Variants in DMD observed in about 807,000 individuals in gnomAD.
DMD encodes mutant dystrophin.
In DMD, 63 loss-of-function variants were observed where a neutral mutation model predicts 330.1. The ratio of observed to expected loss-of-function variants is 0.19; its 90% CI spans 0.16 to 0.24. The LOEUF (loss-of-function observed/expected upper bound fraction) is 0.24. DMD is among the 10% of genes least tolerant of loss of function. The pLI is 1.00. For synonymous variants in DMD, 1,223 were observed against 959.8 expected, an observed-to-expected ratio of 1.27 and a Z score of -5.07; for missense variants, 3,344 against 2,684.1, an observed-to-expected ratio of 1.25 and a Z score of -5.43.
intron 5 of DMD, 136 bp from the exon 6 acceptor site, chrX:32,816,776 C>G (rs1223211567): frequency 1.7e-6 from 1 of 580,491 alleles, no homozygotes; most frequent in East Asian, 3.6e-5. Flanking sequence ...ATAATAGATT[C>G]TACCAGAAGT....
chrX:32,988,773 A>G (rs1212923900), intron 2 of DMD, among the ~76,000 whole-genome samples: 1 of 111,905 alleles, frequency 8.9e-6, no homozygotes, highest in East Asian at 2.8e-4. Context: ...TTCATATCTC[A>G]ACCAATAGTT....
chrX:31,498,583 G>A (rs1198329548), intron 56 of DMD, among the ~76,000 whole-genome samples: 1 of 112,057 alleles, frequency 8.9e-6, no homozygotes, highest in African/African-American at 3.2e-5. Flanking sequence ...ATTTGTGTAT[G>A]TGTATGTATT....
chrX:32,868,771 G>T (rs111575976), intron 2 of DMD, among the ~76,000 whole-genome samples: 1 of 111,984 alleles, frequency 8.9e-6, no homozygotes, highest in Non-Finnish European at 1.9e-5. Context: ...GAGCCCCTAG[G>T]GGGAGGGGTG....
chrX:32,678,765 T>C (rs1308377892), intron 9 of DMD, among the ~76,000 whole-genome samples: 1 of 111,836 alleles, frequency 8.9e-6, no homozygotes, highest in Non-Finnish European at 1.9e-5. Flanking sequence ...GAAGAGAAAA[T>C]TTGACTGGTC....
intron 19 of DMD, among the ~76,000 whole-genome samples, chrX:32,496,760 A>C (rs1252394150): frequency 8.9e-6 from 1 of 112,901 alleles, no homozygotes; most frequent in Non-Finnish European, 1.9e-5. Context: ...ACGAAGAAAA[A>C]TGTGCCTGTC....
intron 55 of DMD, among the ~76,000 whole-genome samples, chrX:31,593,129 G>C (rs1252715311): frequency 9.0e-6 from 1 of 111,348 alleles, no homozygotes; most frequent in South Asian, 3.7e-4. Context: ...TACTCCAGAT[G>C]ATCTTCAGAG....
rs1439281623 is a variant in DMD at position 32,653,745 on chromosome X, G to A, written c.961-8593C>T. ...TGGCATTGAATCTATAAATTACCTTGGGCAGTATGGCCATTTTCACAATAT... is the reference window on the plus strand; with the variant it reads ...TGGCATTGAATCTATAAATTACCTTAGGCAGTATGGCCATTTTCACAATAT... On this transcript the variant is annotated intron_variant, in intron 9 of 78. Transcript: ENST00000357033. Among the ~76,000 whole-genome samples the A allele has an allele frequency of 2.7e-5, 3 of 111,511 alleles. No individual in the cohort carries two copies. In the East Asian group the frequency reaches 8.5e-4, roughly 31 times the overall value.
At chrX:32,737,352 T>C (rs1297636902) in intron 7 of DMD, among the ~76,000 whole-genome samples, 2 of 111,575 alleles carry the variant, frequency 1.8e-5, no homozygotes, top group South Asian at 3.7e-4. Context: ...GCTTTTTCTA[T>C]GAAAATGACT....
chrX:32,544,665 G>C (rs228368), intron 17 of DMD, among the ~76,000 whole-genome samples: 33,322 of 109,639 alleles, frequency 0.3, 4,197 homozygotes, highest in East Asian at 0.53. Context: ...AACAGGAAAT[G>C]TGTTCTGTAA....
At chrX:32,573,982 C>G in intron 13 of DMD, 136 bp from the exon 14 acceptor site, 5 of 523,869 alleles carry the variant, frequency 9.5e-6, no homozygotes, top group Non-Finnish European at 1.7e-5. Context: ...TCTTTCTGAT[C>G]TGCTTACATT....
At chrX:31,211,920 C>T (rs895240209) in intron 64 of DMD, among the ~76,000 whole-genome samples, 14 of 111,420 alleles carry the variant, frequency 1.3e-4, no homozygotes, top group Non-Finnish European at 2.4e-4. Context: ...TTTAGGTATA[C>T]ACAATCCATG....
chrX:32,490,402 C>G (rs1041449489), intron 20 of DMD, among the ~76,000 whole-genome samples: 4 of 111,273 alleles, frequency 3.6e-5, no homozygotes, highest in African/African-American at 1.3e-4. Flanking sequence ...ATCTCTTTCT[C>G]AGGCCCTTTT....
intron 44 of DMD, 121 bp downstream of exon 44, chrX:32,216,795 T>C (rs760443625): frequency 2.1e-5 from 13 of 617,021 alleles, no homozygotes; most frequent in Non-Finnish European, 3.3e-5. Flanking sequence ...AGTAATATAA[T>C]GATGACAACA....
chrX:31,326,607 A>C (rs1399246819), intron 61 of DMD, among the ~76,000 whole-genome samples: 1 of 109,569 alleles, frequency 9.1e-6, no homozygotes, highest in Non-Finnish European at 1.9e-5. Flanking sequence ...AAAAAAAAAA[A>C]AGGAAAATAA....
intron 9 of DMD, among the ~76,000 whole-genome samples, chrX:32,656,822 G>A (rs998845153): frequency 9.0e-6 from 1 of 111,540 alleles, no homozygotes; most frequent in African/African-American, 3.3e-5. Context: ...CTTATTTAAG[G>A]TCATTTGTGC....
chrX:31,894,002 C>T (rs1373603651), intron 47 of DMD, among the ~76,000 whole-genome samples: 2 of 111,621 alleles, frequency 1.8e-5, no homozygotes, highest in Non-Finnish European at 3.8e-5. Flanking sequence ...AAGACAAAGA[C>T]TGTGTCTGCC....
chrX:32,946,357 T>C (rs1227933768), intron 2 of DMD, among the ~76,000 whole-genome samples: 1 of 111,476 alleles, frequency 9.0e-6, no homozygotes, highest in Non-Finnish European at 1.9e-5. Flanking sequence ...AAAAACAATG[T>C]ATGTTTACCA....
chrX:31,307,986 A>G (rs988291282), intron 62 of DMD, among the ~76,000 whole-genome samples: 2 of 111,524 alleles, frequency 1.8e-5, no homozygotes, highest in Non-Finnish European at 3.8e-5. Context: ...ATCATCAGGC[A>G]TTAGTTTCTC....
At chrX:31,387,372 C>T (rs895619312) in intron 60 of DMD, among the ~76,000 whole-genome samples, 2 of 111,183 alleles carry the variant, frequency 1.8e-5, no homozygotes, top group Non-Finnish European at 3.8e-5. Context: ...GGGTGTTAGA[C>T]TAGATGATCT....
Sources: allele counts gnomAD v4.1 joint callset (sites outside exome capture counted in the v4.1 genomes callset), GRCh38; gene constraint gnomAD v4.1.1; transcripts MANE v1.5; gene names NCBI Gene and HGNC (gene_info 2026-07-23, HGNC 2026-07-21).